The following TLR2 variants were observed in gnomAD, a reference collection of about 807,000 sequenced individuals.
TLR2 encodes the protein toll like receptor 2, also known as toll-like receptor 2.
TLR2 carries 7 observed loss-of-function variants against 9.1 expected under a neutral mutation model. The observed-to-expected ratio is 0.77, with a 90% CI of 0.44 to 1.44. The LOEUF is 1.44. Among genes scored for constraint, TLR2 ranks in the 40% most tolerant of loss-of-function variants. The pLI is 0.01. For synonymous variants in TLR2, 317 were observed against 344.6 expected, an observed-to-expected ratio of 0.92 and a Z score of 0.89; for missense variants, 812 against 904.6, an observed-to-expected ratio of 0.90 and a Z score of 1.31.
rs775509938 is a variant in TLR2 at position 153,703,109 on chromosome 4, A to T, written c.202A>T (p.Ser68Cys). Residue 68 changes from serine (S) to cysteine (C), a missense_variant, in exon 3 of 3, where the codon AGC becomes TGC. Ser to Cys is a moderately radical substitution (Grantham distance 112). Transcript: ENST00000642700. ...DLSNNRITYI[S>C]NSDLQRCVNL... Reference sequence around the variant, plus strand: ...GTCCAACAACAGGATCACCTACATTAGCAACAGTGACCTACAGAGGTGTGT... The same window carrying T: ...GTCCAACAACAGGATCACCTACATTTGCAACAGTGACCTACAGAGGTGTGT... The T allele has an allele frequency of 3.7e-6, 6 of 1,614,176 alleles. No homozygotes were observed. Among genetic ancestry groups the T allele is most frequent in the Non-Finnish European group, 5.1e-6 (6 of 1,180,030 alleles).
intron 2 of TLR2, among the ~76,000 whole-genome samples, chr4:153,701,060 T>A (rs969172906): frequency 1.3e-5 from 2 of 152,198 alleles, no homozygotes; most frequent in Non-Finnish European, 2.9e-5. Context: ...ACAGGAAATA[T>A]TTTAAAAATA....
chr4:153,691,053 C>T (rs1736078477), intron 2 of TLR2, among the ~76,000 whole-genome samples: 1 of 152,128 alleles, frequency 6.6e-6, no homozygotes, highest in African/African-American at 2.4e-5. Context: ...GCAGTCAATA[C>T]CTCAATTACA....
downstream of TLR2, among the ~76,000 whole-genome samples, chr4:153,707,867 T>A (rs6535943): frequency 0.2 from 31,104 of 152,114 alleles, 3,906 homozygotes; most frequent in African/African-American, 0.35. Context: ...ACCTGAGGTG[T>A]TGTGGTGCCT....
intron 2 of TLR2, among the ~76,000 whole-genome samples, chr4:153,695,447 AT>A (rs1307982834): frequency 6.6e-6 from 1 of 152,160 alleles, no homozygotes; most frequent in Non-Finnish European, 1.5e-5. Context: ...ACCTTTTTAT[AT>A]ATCTGTTTGC....
chr4:153,693,181 C>T (rs1736241661), intron 2 of TLR2, among the ~76,000 whole-genome samples: 1 of 152,154 alleles, frequency 6.6e-6, no homozygotes, highest in Non-Finnish European at 1.5e-5. Flanking sequence ...ATCAATGACT[C>T]CTGTTTGTAC....
At chr4:153,690,612 G>A (rs1736042302) in intron 2 of TLR2, among the ~76,000 whole-genome samples, 1 of 152,224 alleles carries the variant, frequency 6.6e-6, no homozygotes, top group Non-Finnish European at 1.5e-5. Context: ...ACATCCATTT[G>A]CTAAAGATAA....
intron 2 of TLR2, among the ~76,000 whole-genome samples, chr4:153,690,880 G>GAT (rs1736064084): frequency 6.6e-6 from 1 of 152,318 alleles, no homozygotes; most frequent in African/African-American, 2.4e-5. Flanking sequence ...TAATGTGAGT[G>GAT]ATGTAAAAAG....
chr4:153,709,619 C>T (rs140418010), downstream of TLR2, among the ~76,000 whole-genome samples: 12 of 152,180 alleles, frequency 7.9e-5, no homozygotes, highest in African/African-American at 2.6e-4. Flanking sequence ...GAGGAGAAGA[C>T]AATAAATTTA....
In TLR2 at chr4:153,704,440, AACT is replaced by A. The variant is rs1433681254; in HGVS notation, c.1536_1538del (p.Thr513del). On this transcript the variant is annotated inframe_deletion, in exon 3 of 3. Coordinates refer to ENST00000642700, the MANE Select transcript of TLR2 (RefSeq NM_001318789.2). ...TATTGAAAATCAGTAGGAATGCAAT[AACT>A]ACGTTTTCTAAGGAGCAACTTGACT... 6.2e-7 allele frequency: 1 copy of A among 1,614,042 alleles called. No homozygotes were observed. The highest frequency in any genetic ancestry group is 2.2e-5 in the East Asian group (1 of 44,894).
At chr4:153,685,934 C>G (rs1325816011) in intron 1 of TLR2, among the ~76,000 whole-genome samples, 1 of 152,178 alleles carries the variant, frequency 6.6e-6, no homozygotes, top group Non-Finnish European at 1.5e-5. Flanking sequence ...ATTCATGGTT[C>G]TGGAGTCTGG....
At chr4:153,690,208 C>A (rs1419220357) in intron 2 of TLR2, among the ~76,000 whole-genome samples, 1 of 152,194 alleles carries the variant, frequency 6.6e-6, no homozygotes, top group African/African-American at 2.4e-5. Context: ...TAGCATCTGG[C>A]CTTTAGGCAG....
intron 2 of TLR2, chr4:153,701,853 C>A (rs989455055): frequency 2.0e-5 from 3 of 151,932 alleles, no homozygotes; most frequent in Admixed American, 2.0e-4. Flanking sequence ...AATTCCCAAA[C>A]CAAGCATGTT....
chr4:153,686,541 A>G (rs528629444), intron 1 of TLR2, among the ~76,000 whole-genome samples: 47 of 152,320 alleles, frequency 3.1e-4, no homozygotes, highest in African/African-American at 1.1e-3. Context: ...ACCATTTATC[A>G]AAAGAAAGCT....
Position 153,684,935 on chromosome 4 carries a change from T to A in TLR2, c.-163+575T>A, listed in dbSNP as rs140721752. ...CCCTCTTGGCTCGGATGACAAAGATTGGGTAAAGGCTTTCAACGAGCTAGC... is the reference window on the plus strand; with the variant it reads ...CCCTCTTGGCTCGGATGACAAAGATAGGGTAAAGGCTTTCAACGAGCTAGC... On this transcript the variant is annotated intron_variant, in intron 1 of 2. Coordinates refer to ENST00000642700, the MANE Select transcript of TLR2 (RefSeq NM_001318789.2). 7.4e-3 allele frequency among the ~76,000 whole-genome samples: 1,115 copies of A among 151,056 alleles called. 18 individuals carry two copies. The highest frequency in any genetic ancestry group is 0.026 in the African/African-American group (1,040 of 40,420).
In TLR2 at chr4:153,703,781, G is replaced by A; in HGVS notation, c.874G>A (p.Val292Ile). 8 of 1,613,948 alleles carry A rather than the reference G, an allele frequency of 5.0e-6. No individual in the cohort carries two copies. Among genetic ancestry groups the A allele is most frequent in the East Asian group, 2.2e-5 (1 of 44,862 alleles). The change falls in exon 3 of 3, where the codon GTT becomes ATT. Residue 292 changes from valine (V) to isoleucine (I), a missense_variant. Physicochemically the swap from Val to Ile is conservative, Grantham distance 29. Coordinates refer to ENST00000642700, the MANE Select transcript of TLR2 (RefSeq NM_001318789.2). ...LEFDDCTLNGVGNFRASDNDR... is the reference protein window; with the variant it reads ...LEFDDCTLNGIGNFRASDNDR... ...GTTTGATGACTGTACCCTTAATGGA[G>A]TTGGTAATTTTAGAGCATCTGATAA...
At chr4:153,686,854 T>A (rs922392039) in intron 1 of TLR2, among the ~76,000 whole-genome samples, 1 of 152,074 alleles carries the variant, frequency 6.6e-6, no homozygotes, top group South Asian at 2.1e-4. Context: ...GCGAACACAA[T>A]GTAGTTCACA....
chr4:153,704,453 A>G lies in TLR2; in HGVS notation c.1546A>G (p.Lys516Glu), dbSNP rs1260282617. Residue 516 changes from lysine to glutamate, a missense_variant, in exon 3 of 3, where the codon AAG becomes GAG. Physicochemically the swap from Lys to Glu is moderately conservative, Grantham distance 56. Transcript: ENST00000642700. ...TAGGAATGCAATAACTACGTTTTCT[A>G]AGGAGCAACTTGACTCATTTCACAC... ...ISRNAITTFS[K>E]EQLDSFHTLK... is the part of the protein sequence containing the mutation. 1 of 1,614,170 alleles carries G rather than the reference A, an allele frequency of 6.2e-7. No homozygotes were observed. Among genetic ancestry groups the G allele is most frequent in the Non-Finnish European group, 8.5e-7 (1 of 1,180,034 alleles).
intron 2 of TLR2, among the ~76,000 whole-genome samples, chr4:153,696,764 G>A (rs1219003238): frequency 6.6e-6 from 1 of 152,048 alleles, no homozygotes; most frequent in Non-Finnish European, 1.5e-5. Context: ...AAATTACTAA[G>A]GGTAAAGTAA....
intron 2 of TLR2, among the ~76,000 whole-genome samples, chr4:153,698,572 G>T (rs1167052147): frequency 6.6e-6 from 1 of 152,092 alleles, no homozygotes; most frequent in African/African-American, 2.4e-5. Context: ...TAGATAACGT[G>T]AAATTATGAA....
Sources: gnomAD v4.1 joint callset for allele counts (sites outside exome capture counted in the v4.1 genomes callset) on GRCh38, gnomAD v4.1.1 for gene constraint, MANE v1.5 for transcripts, NCBI Gene and HGNC (gene_info 2026-07-23, HGNC 2026-07-21) for gene names.